Variants in LANCL3 observed in about 807,000 individuals in gnomAD.
LANCL3 encodes the protein LanC like family member 3, also known as lanC-like protein 3.
In LANCL3, 19 loss-of-function variants were observed where a neutral mutation model predicts 26.5. The observed-to-expected ratio is 0.72, with a 90% confidence interval of 0.50 to 1.05. The LOEUF (loss-of-function observed/expected upper bound fraction) is 1.05, where lower values mean the gene tolerates loss of function less well. Ranked by LOEUF, LANCL3 falls within the 50% of genes least tolerant of loss-of-function variation. The pLI is 0.00. For synonymous variants in LANCL3, 160 were observed against 166.6 expected (o/e 0.96, Z 0.30); for missense variants, 318 against 362.7 (o/e 0.88, Z 1.00).
intron 1 of LANCL3, among the ~76,000 whole-genome samples, chrX:37,651,694 T>C (rs1198156982): frequency 2.7e-5 from 3 of 111,027 alleles, no homozygotes; most frequent in Non-Finnish European, 5.7e-5. Context: ...GCTGGTGTGC[T>C]GCACTCATTA....
In LANCL3 at chrX:37,575,389, G is replaced by C. The variant is rs1165920500; in HGVS notation, c.573+2946G>C. Among the ~76,000 whole-genome samples the C allele has an allele frequency of 2.7e-5, 3 of 111,407 alleles. No homozygotes were observed. The East Asian group carries it at 8.4e-4, about 31-fold the overall frequency. ...AAGCTCCATAAGGGTAGACATTTTT[G>C]GTTTCATTGATGTTCATTGCCAAGA... On this transcript the variant is annotated intron_variant, in intron 1 of 4. Coordinates refer to ENST00000378619, the MANE Select transcript of LANCL3 (RefSeq NM_001170331.2).
At chrX:37,605,635 A>T (rs782560789) in intron 1 of LANCL3, among the ~76,000 whole-genome samples, 2 of 111,174 alleles carry the variant, frequency 1.8e-5, no homozygotes, top group African/African-American at 6.5e-5. Flanking sequence ...AGGCCTCCTT[A>T]CTGTTCCTGA....
chrX:37,670,013 G>T (rs1170398382), intron 4 of LANCL3, among the ~76,000 whole-genome samples: 1 of 112,189 alleles, frequency 8.9e-6, no homozygotes, highest in African/African-American at 3.2e-5. Flanking sequence ...CACTATGCAT[G>T]TATGATAATT....
intron 1 of LANCL3, among the ~76,000 whole-genome samples, chrX:37,615,804 C>T (rs1924989641): frequency 9.0e-6 from 1 of 111,333 alleles, no homozygotes; most frequent in Non-Finnish European, 1.9e-5. Flanking sequence ...TTTACCATTG[C>T]CTTTGCTTTT....
rs149302695 is a variant in LANCL3 at position 37,618,616 on chromosome X, T to C, written c.574-37072T>C. ...GATGGTTTGCTAGCAGTCTTTGATATTCCTTGGCTTGTAGATCTCTGCCTT... is the reference window on the plus strand; with the variant it reads ...GATGGTTTGCTAGCAGTCTTTGATACTCCTTGGCTTGTAGATCTCTGCCTT... On this transcript the variant is annotated intron_variant, in intron 1 of 4. Coordinates refer to ENST00000378619, the MANE Select transcript of LANCL3 (RefSeq NM_001170331.2). Among the ~76,000 whole-genome samples the C allele has an allele frequency of 6.0e-3, 671 of 111,806 alleles. 12 individuals carry two copies. The highest frequency in any genetic ancestry group is 0.021 in the African/African-American group (647 of 30,724).
intron 1 of LANCL3, among the ~76,000 whole-genome samples, chrX:37,655,200 G>A (rs1277714650): frequency 8.9e-6 from 1 of 112,333 alleles, no homozygotes; most frequent in Non-Finnish European, 1.9e-5. Context: ...CAGTGAGTCC[G>A]TCATACTGCA....
intron 1 of LANCL3, among the ~76,000 whole-genome samples, chrX:37,651,155 G>A (rs1926132574): frequency 9.0e-6 from 1 of 110,928 alleles, no homozygotes; most frequent in Admixed American, 9.6e-5. Context: ...TTGGTTCCAA[G>A]TCTTTACTAT....
intron 3 of LANCL3, 107 bp from the exon 4 acceptor site, chrX:37,667,175 G>A (rs1926563991): frequency 7.7e-6 from 3 of 390,707 alleles, no homozygotes; most frequent in Non-Finnish European, 1.2e-5. Flanking sequence ...TAGAATCTGT[G>A]TTTTACCAGT....
At chrX:37,612,578 T>C in intron 1 of LANCL3, among the ~76,000 whole-genome samples, 1 of 112,671 alleles carries the variant, frequency 8.9e-6, no homozygotes, top group Non-Finnish European at 1.9e-5. Context: ...CTGTAAACGA[T>C]ATATCACATG....
chrX:37,664,732 A>G (rs1292357953), intron 3 of LANCL3, among the ~76,000 whole-genome samples: 1 of 110,735 alleles, frequency 9.0e-6, no homozygotes, highest in Non-Finnish European at 1.9e-5. Context: ...TCCCTCCTCA[A>G]GTAGGCCCTG....
At chrX:37,579,868 TC>T (rs1244070796) in intron 1 of LANCL3, among the ~76,000 whole-genome samples, 1 of 111,658 alleles carries the variant, frequency 9.0e-6, no homozygotes, top group Non-Finnish European at 1.9e-5. Flanking sequence ...CCAAAAATGT[TC>T]TACCAATTTC....
chrX:37,632,102 G>C (rs1556424499), intron 1 of LANCL3, among the ~76,000 whole-genome samples: 1 of 111,251 alleles, frequency 9.0e-6, no homozygotes, highest in Admixed American at 9.5e-5. Context: ...CTCTTTGTAG[G>C]TCACTCAGGA....
At chrX:37,617,288 G>A (rs1925036339) in intron 1 of LANCL3, among the ~76,000 whole-genome samples, 1 of 111,200 alleles carries the variant, frequency 9.0e-6, no homozygotes, top group Non-Finnish European at 1.9e-5. Context: ...AAGAAGAAGG[G>A]TTTTTGTTTC....
At chrX:37,574,484 A>G (rs1722811595) in intron 1 of LANCL3, among the ~76,000 whole-genome samples, 1 of 111,925 alleles carries the variant, frequency 8.9e-6, no homozygotes, top group Non-Finnish European at 1.9e-5. Context: ...TTGCCACCTA[A>G]TAAATAGTTG....
intron 1 of LANCL3, among the ~76,000 whole-genome samples, chrX:37,648,625 C>G (rs1926047463): frequency 8.9e-6 from 1 of 112,061 alleles, no homozygotes; most frequent in East Asian, 2.8e-4. Flanking sequence ...TCTAATTAAA[C>G]TAAAGAGCTT....
At position 37,678,032 on chromosome X, in the gene LANCL3, A is replaced by G. The variant is rs868919478; in HGVS notation, c.*2219A>G. Reference sequence around the variant, plus strand: ...GAAAAACAAGACCACTTTCAGGCCTATCTGCCCTTTTAAGTTCTGATAGGT... The same window carrying G: ...GAAAAACAAGACCACTTTCAGGCCTGTCTGCCCTTTTAAGTTCTGATAGGT... On this transcript the variant is annotated 3_prime_UTR_variant, in exon 5 of 5. Coordinates refer to ENST00000378619, the MANE Select transcript of LANCL3 (RefSeq NM_001170331.2). 1 of 112,014 alleles carries G rather than the reference A, an allele frequency of 8.9e-6. No homozygotes were observed. 9.2% of individuals were successfully genotyped at this position (112,014 alleles called of 1,213,427 possible). A position where few individuals can be genotyped will look rare whatever the true frequency, so the allele number is the denominator to read the frequency against.
intron 4 of LANCL3, among the ~76,000 whole-genome samples, chrX:37,673,853 A>G (rs1262109764): frequency 1.8e-5 from 2 of 111,586 alleles, no homozygotes; most frequent in African/African-American, 6.5e-5. Flanking sequence ...AGCTAGCAAC[A>G]TTGTGGGTTT....
Position 37,659,501 on chromosome X carries a change from T to C in LANCL3, c.737T>C (p.Leu246Pro). The C allele has an allele frequency of 8.3e-7, 1 of 1,210,945 alleles. No homozygotes were observed. The highest frequency in any genetic ancestry group is 1.8e-5 in the South Asian group (1 of 56,844). ...HGLSSILQML[L>P]SYHEHLKPSD... The stretch of plus-strand genomic sequence containing the variant: ...TTGTCGTCTATTCTTCAGATGCTTC[T>C]TTCTTACCATGAGCATCTCAAGCCC... The change falls in exon 3 of 5, where the codon CTT becomes CCT. Residue 246 changes from leucine to proline, a missense_variant. Leu to Pro is a moderately conservative substitution (Grantham distance 98). Coordinates refer to ENST00000378619, the MANE Select transcript of LANCL3 (RefSeq NM_001170331.2).
chrX:37,584,792 C>T (rs782049902), intron 1 of LANCL3, among the ~76,000 whole-genome samples: 7 of 111,667 alleles, frequency 6.3e-5, no homozygotes, highest in South Asian at 3.8e-4. Flanking sequence ...GTTTCTCTAT[C>T]TCCTTCAGTT....
Sources: gnomAD v4.1 joint callset for allele counts (sites outside exome capture counted in the v4.1 genomes callset) on GRCh38, gnomAD v4.1.1 for gene constraint, MANE v1.5 for transcripts, NCBI Gene and HGNC (gene_info 2026-07-23, HGNC 2026-07-21) for gene names.